The following APBB2 variants were observed in gnomAD, a reference collection of about 807,000 sequenced individuals.
The protein encoded by APBB2 is Fe65-like 1.
Under a neutral mutation model 82.5 loss-of-function variants are expected in APBB2, and 38 were observed. The observed-to-expected ratio is 0.46, with a 90% confidence interval of 0.36 to 0.60. The LOEUF (loss-of-function observed/expected upper bound fraction) is 0.60, where lower values mean the gene tolerates loss of function less well. Among genes scored for constraint, APBB2 ranks in the 20% least tolerant of loss-of-function variants. The pLI, the probability that APBB2 is intolerant of heterozygous loss-of-function variation, is 0.00. For synonymous variants in APBB2, 341 were observed against 368.2 expected (o/e 0.93, Z 0.85); for missense variants, 772 against 972.3 (o/e 0.79, Z 2.74).
chr4:40,842,223 G>GAAACA (rs374823141), intron 12 of APBB2: 66 of 353,254 alleles, frequency 1.9e-4, no homozygotes, highest in Non-Finnish European at 3.4e-4. Context: ...GATAAGAGGC[G>GAAACA]AAACAAAACA....
chr4:40,909,310 G>T (rs921034973), intron 10 of APBB2, among the ~76,000 whole-genome samples: 27 of 152,274 alleles, frequency 1.8e-4, no homozygotes, highest in Admixed American at 1.3e-3. Flanking sequence ...AACGCCAAGT[G>T]TCAGTCGACT....
chr4:40,894,753 A>G (rs891363835), intron 10 of APBB2, among the ~76,000 whole-genome samples: 1 of 152,188 alleles, frequency 6.6e-6, no homozygotes, highest in Non-Finnish European at 1.5e-5. Flanking sequence ...AAAAAGTTCT[A>G]TATGCTGTTT....
intron 6 of APBB2, among the ~76,000 whole-genome samples, chr4:40,992,606 C>G (rs1328138486): frequency 6.6e-6 from 1 of 152,128 alleles, no homozygotes; most frequent in Non-Finnish European, 1.5e-5. Flanking sequence ...GAGAGCAAAC[C>G]AACACTTGGA....
rs1229320309 is a variant in APBB2 at position 40,827,111 on chromosome 4, CAT to C, written c.1732+19_1732+20del. On this transcript the variant is annotated intron_variant, in intron 14 of 17. Coordinates refer to ENST00000508593, the MANE Select transcript of APBB2 (RefSeq NM_004307.2). ...AGGAGGGACAGGGCCATAATGAAGA[CAT>C]GAGGTGCCACTGACTTACCTTGCAA... The C allele has an allele frequency of 1.4e-5, 22 of 1,610,674 alleles. No individual in the cohort carries two copies. Among genetic ancestry groups the C allele is most frequent in the Non-Finnish European group, 1.8e-5 (21 of 1,177,082 alleles).
chr4:41,183,885 G>A (rs1772141242), intron 1 of APBB2, among the ~76,000 whole-genome samples: 1 of 152,038 alleles, frequency 6.6e-6, no homozygotes, highest in Non-Finnish European at 1.5e-5. Context: ...TACAGTTATT[G>A]TGCACTTTAT....
rs560479656 is a variant in APBB2, at chr4:41,082,501, T to C, written c.-148-16828A>G. Among the ~76,000 whole-genome samples, 8 of 152,268 alleles carry C rather than the reference T, an allele frequency of 5.3e-5. No individual in the cohort carries two copies. The South Asian group carries it at 1.7e-3, about 32-fold the overall frequency. ...AATAGCAGCTGTTAATTTGAATTTATTTGAATATAAAGATTGATTCTTCAC... is the reference window on the plus strand; with the variant it reads ...AATAGCAGCTGTTAATTTGAATTTACTTGAATATAAAGATTGATTCTTCAC... On this transcript the variant is annotated intron_variant, in intron 3 of 17. Coordinates refer to ENST00000508593, the MANE Select transcript of APBB2 (RefSeq NM_004307.2).
Position 41,024,166 on chromosome 4 carries a change from G to A in APBB2, c.19+9070C>T, listed in dbSNP as rs186052240. 2.5e-4 allele frequency among the ~76,000 whole-genome samples: 38 copies of A among 152,142 alleles called. 1 individual carries two copies. The highest frequency in any genetic ancestry group is 1.0e-3 in the South Asian group (5 of 4,814). On this transcript the variant is annotated intron_variant, in intron 5 of 17. Transcript: ENST00000508593. ...TGAAGCTGGACCCTTTCCTTATACC[G>A]TATACAAAAATCAACTCAAGATGAA...
At chr4:41,169,943 A>G (rs1265058815) in intron 1 of APBB2, among the ~76,000 whole-genome samples, 2 of 152,196 alleles carry the variant, frequency 1.3e-5, no homozygotes, top group African/African-American at 4.8e-5. Context: ...AATGTTGAGT[A>G]GTTTCATTTC....
At chr4:41,025,158 C>A (rs6811677) in intron 5 of APBB2, among the ~76,000 whole-genome samples, 6,971 of 152,140 alleles carry the variant, frequency 0.046, 339 homozygotes, top group African/African-American at 0.12. Context: ...CTCCCACAAC[C>A]CTATAAGGAA....
chr4:40,824,326 T>TC (rs973496480), intron 15 of APBB2, among the ~76,000 whole-genome samples: 4 of 152,178 alleles, frequency 2.6e-5, no homozygotes, highest in African/African-American at 9.6e-5. Context: ...TTACAGTGGA[T>TC]CCCCCCATTG....
chr4:40,878,461 T>G (rs1364608596), intron 12 of APBB2, among the ~76,000 whole-genome samples: 1 of 152,140 alleles, frequency 6.6e-6, no homozygotes. Context: ...GGCTTTGTCC[T>G]CCCCATCACG....
chr4:41,051,060 T>A (rs1362912784), intron 4 of APBB2, among the ~76,000 whole-genome samples: 3 of 150,812 alleles, frequency 2.0e-5, no homozygotes, highest in Non-Finnish European at 4.4e-5. Context: ...TACAGTCTCC[T>A]GCTTTCCTCA....
intron 1 of APBB2, among the ~76,000 whole-genome samples, chr4:41,187,704 C>T (rs1190698612): frequency 6.6e-6 from 1 of 152,172 alleles, no homozygotes; most frequent in Non-Finnish European, 1.5e-5. Context: ...TGTTAAGTGC[C>T]AACCAAGAGT....
intron 6 of APBB2, among the ~76,000 whole-genome samples, chr4:40,968,953 C>G (rs982261088): frequency 3.3e-5 from 5 of 152,158 alleles, no homozygotes; most frequent in Non-Finnish European, 7.4e-5. Flanking sequence ...CAGTAAGTCT[C>G]ACAAGGTCTG....
At chr4:40,880,724 T>A (rs1465129063) in intron 12 of APBB2, 16 of 985,296 alleles carry the variant, frequency 1.6e-5, no homozygotes, top group Non-Finnish European at 1.9e-5. Context: ...GGCTCAGGAC[T>A]CAGGGGAAGT....
At chr4:40,904,950 A>C (rs1378134966) in intron 10 of APBB2, among the ~76,000 whole-genome samples, 1 of 152,072 alleles carries the variant, frequency 6.6e-6, no homozygotes, top group Non-Finnish European at 1.5e-5. Context: ...TACACTGAGC[A>C]CTCAGGTAGA....
At chr4:40,830,312 A>T (rs921510894) in intron 13 of APBB2, 151 bp downstream of exon 13, 4 of 612,532 alleles carry the variant, frequency 6.5e-6, no homozygotes, top group Non-Finnish European at 8.8e-6. Context: ...GCCCGCAGCA[A>T]GAATACTTTA....
chr4:40,820,298 C>T (rs1469628983), intron 17 of APBB2, among the ~76,000 whole-genome samples: 3 of 152,226 alleles, frequency 2.0e-5, no homozygotes, highest in Non-Finnish European at 2.9e-5. Flanking sequence ...CCTGGCTGAT[C>T]GCCACCTCAG....
chr4:40,930,012 A>G (rs12499071), intron 10 of APBB2, among the ~76,000 whole-genome samples: 71,579 of 151,960 alleles, frequency 0.47, 16,976 homozygotes, highest in South Asian at 0.61. Context: ...AGGACTACAC[A>G]GAGGAGCATG....
Sources: gnomAD v4.1 joint callset for allele counts (sites outside exome capture counted in the v4.1 genomes callset) on GRCh38, gnomAD v4.1.1 for gene constraint, MANE v1.5 for transcripts, NCBI Gene and HGNC (gene_info 2026-07-23, HGNC 2026-07-21) for gene names.